SEL1L: variants seen among roughly 807,000 people sequenced by gnomAD.
SEL1L encodes protein sel-1 homolog 1.
In SEL1L, 52 loss-of-function variants were observed where a neutral mutation model predicts 109.8. That is an observed-to-expected ratio of 0.47 (90% CI 0.38 to 0.60). The LOEUF (loss-of-function observed/expected upper bound fraction) is 0.60. Among genes scored for constraint, SEL1L ranks in the 20% least tolerant of loss-of-function variants. The pLI is 0.00. For synonymous variants in SEL1L, 373 were observed against 339.6 expected (o/e 1.10, Z -1.08); for missense variants, 749 against 962.2 (o/e 0.78, Z 2.93).
chr14:81,486,649 A>T (rs1366561317), intron 16 of SEL1L, among the ~76,000 whole-genome samples, 195 bp from the exon 17 acceptor site: 2 of 121,288 alleles, frequency 1.6e-5, no homozygotes, highest in Non-Finnish European at 3.1e-5. Flanking sequence ...ACAGGTTTAT[A>T]AAAAAAAAAA....
chr14:81,509,116 G>A (rs1273303234), intron 3 of SEL1L, among the ~76,000 whole-genome samples: 2 of 152,204 alleles, frequency 1.3e-5, no homozygotes, highest in Admixed American at 1.3e-4. Flanking sequence ...AATATGGAAA[G>A]TGTTACTACC....
At chr14:81,514,266 G>A (rs551844194) in intron 3 of SEL1L, among the ~76,000 whole-genome samples, 1 of 152,310 alleles carries the variant, frequency 6.6e-6, no homozygotes, top group South Asian at 2.1e-4. Flanking sequence ...GCTAGGATAT[G>A]GGGAGCCTCA....
At chr14:81,498,293 G>T in intron 9 of SEL1L, 120 bp downstream of exon 9, 2 of 866,474 alleles carry the variant, frequency 2.3e-6, no homozygotes, top group Non-Finnish European at 1.8e-6. Context: ...CTAGTTTAAA[G>T]ATGAGTCCAC....
At chr14:81,508,041 C>T (rs1329290235) in intron 3 of SEL1L, among the ~76,000 whole-genome samples, 1 of 152,142 alleles carries the variant, frequency 6.6e-6, no homozygotes, top group Admixed American at 6.5e-5. Flanking sequence ...ATGTAAAGGA[C>T]TCATTATGGT....
chr14:81,480,552 T>C (rs1903321152), intron 19 of SEL1L, among the ~76,000 whole-genome samples: 1 of 151,986 alleles, frequency 6.6e-6, no homozygotes, highest in Admixed American at 6.6e-5. Context: ...AAACTGTCTC[T>C]ACAAAAAATA....
Position 81,485,538 on chromosome 14 carries a change from T to C in SEL1L, c.1873+134A>G, listed in dbSNP as rs1262262411. ...AACTCCTGACCTCAAGTGATCCTCC[T>C]GCCTTGGCTTCCGAAAGTGCTAGGG... On this transcript the variant is annotated intron_variant, in intron 18 of 20. Coordinates refer to ENST00000336735, the MANE Select transcript of SEL1L (RefSeq NM_005065.6). 9.9e-6 allele frequency: 7 copies of C among 707,844 alleles called. No homozygotes were observed. The Admixed American group carries it at 1.2e-4, about 12-fold the overall frequency. 43.8% of individuals were successfully genotyped at this position (707,844 alleles called of 1,614,324 possible).
chr14:81,523,528 T>G (rs992375178), intron 3 of SEL1L, among the ~76,000 whole-genome samples: 1 of 152,152 alleles, frequency 6.6e-6, no homozygotes, highest in Non-Finnish European at 1.5e-5. Context: ...AAATTTATAT[T>G]TACATTTACC....
intron 1 of SEL1L, among the ~76,000 whole-genome samples, chr14:81,531,151 C>A (rs1885307370): frequency 1.3e-5 from 2 of 152,198 alleles, no homozygotes; most frequent in South Asian, 4.1e-4. Flanking sequence ...AAAAAGTGTG[C>A]TACCATGTTC....
chr14:81,504,014 T>C (rs1457650311), intron 5 of SEL1L, among the ~76,000 whole-genome samples, 187 bp downstream of exon 5: 1 of 152,200 alleles, frequency 6.6e-6, no homozygotes, highest in Non-Finnish European at 1.5e-5. Flanking sequence ...GTATAACAAT[T>C]TTACCTTAAC....
At chr14:81,529,057 T>C (rs1280401128) in intron 1 of SEL1L, among the ~76,000 whole-genome samples, 1 of 152,198 alleles carries the variant, frequency 6.6e-6, no homozygotes, top group Non-Finnish European at 1.5e-5. Context: ...CTATTCATAT[T>C]CACCTACTTT....
chr14:81,513,259 G>A (rs1472818411), intron 3 of SEL1L, among the ~76,000 whole-genome samples: 1 of 152,224 alleles, frequency 6.6e-6, no homozygotes, highest in Non-Finnish European at 1.5e-5. Flanking sequence ...CTGGCCACCT[G>A]AGCCAGCAGT....
At chr14:81,501,976 T>C (rs534011147) in intron 6 of SEL1L, among the ~76,000 whole-genome samples, 129 of 151,418 alleles carry the variant, frequency 8.5e-4, no homozygotes, top group African/African-American at 3.0e-3. Context: ...ATCTCTAATA[T>C]AGACAAAAAA....
chr14:81,487,139 T>C (rs1478354670), intron 16 of SEL1L, among the ~76,000 whole-genome samples: 1 of 152,106 alleles, frequency 6.6e-6, no homozygotes, highest in African/African-American at 2.4e-5. Context: ...TATCAGATAC[T>C]GTCTTAGGTG....
At chr14:81,518,115 A>AC (rs1884771807) in intron 3 of SEL1L, among the ~76,000 whole-genome samples, 1 of 150,002 alleles carries the variant, frequency 6.7e-6, no homozygotes, top group Non-Finnish European at 1.5e-5. Flanking sequence ...CTGGTCTTGA[A>AC]CTCCTGGCCT....
rs1266894601 is a variant in SEL1L, at chr14:81,484,393, A to T, written c.1878T>A (p.Tyr626Ter). Reference protein sequence around the residue: ...LHWNRAASQGYTVARIKLGDY... With the variant: ...LHWNRAASQG ...CTCCGAGCTTAATTCTAGCCACAGT[A>T]TAGCCTTAAACAAAAGTTAAATGCA... Residue 626 changes from tyrosine (Y) to a stop codon, truncating the protein, a stop_gained, in exon 19 of 21, where the codon TAT becomes TAA. Coordinates refer to ENST00000336735, the MANE Select transcript of SEL1L (RefSeq NM_005065.6). LOFTEE classifies it high-confidence loss of function. 6.2e-7 allele frequency: 1 copy of T among 1,610,026 alleles called. No homozygotes were observed. The highest frequency in any genetic ancestry group is 1.3e-5 in the African/African-American group (1 of 74,896).
chr14:81,495,918 A>G (rs1254516545), intron 10 of SEL1L, among the ~76,000 whole-genome samples: 11 of 152,196 alleles, frequency 7.2e-5, no homozygotes, highest in Non-Finnish European at 1.5e-4. Context: ...CCTGGGTGAC[A>G]GAGCAAGACT....
chr14:81,489,054 G>C (rs1393131812), intron 14 of SEL1L, 198 bp downstream of exon 14: 2 of 600,950 alleles, frequency 3.3e-6, no homozygotes, highest in East Asian at 2.9e-5. Context: ...GCCAGACACA[G>C]AGCTGTTCTA....
rs1223954019 is a variant in SEL1L at position 81,495,072 on chromosome 14, G to T, written c.1185+9C>A. On this transcript the variant is annotated intron_variant, in intron 11 of 20. Transcript: ENST00000336735. ...CTGAGATGCAAAGCCCTAGGAACAG[G>T]GTAGTTACCTGATGATTCTGTTCTA... 1.2e-6 allele frequency: 2 copies of T among 1,612,982 alleles called. No individual in the cohort carries two copies. Among genetic ancestry groups the T allele is most frequent in the East Asian group, 2.2e-5 (1 of 44,872 alleles).
intron 19 of SEL1L, among the ~76,000 whole-genome samples, chr14:81,482,124 G>T (rs753034279): frequency 2.0e-5 from 3 of 151,550 alleles, no homozygotes; most frequent in Non-Finnish European, 1.5e-5. Context: ...CTAAACAAAA[G>T]TTCCCTCCCC....
Sources: allele counts gnomAD v4.1 joint callset (sites outside exome capture counted in the v4.1 genomes callset), GRCh38; gene constraint gnomAD v4.1.1; transcripts MANE v1.5; gene names NCBI Gene and HGNC (gene_info 2026-07-23, HGNC 2026-07-21).